Variants in BBS12 observed in about 807,000 individuals in gnomAD.
The protein encoded by BBS12 is chaperonin-containing T-complex member BBS12.
Under a neutral mutation model 5.6 loss-of-function variants are expected in BBS12, and 5 were observed. The observed-to-expected ratio is 0.89, with a 90% CI of 0.46 to 1.86. The LOEUF (loss-of-function observed/expected upper bound fraction) is 1.86, where lower values mean the gene tolerates loss of function less well. Ranked by LOEUF, BBS12 falls within the 40% of genes most tolerant of loss-of-function variation. The probability of loss-of-function intolerance (pLI) is 0.01; values close to 1 mark genes in which losing one functional copy is unlikely to be tolerated. For missense variants in BBS12, 748 were observed against 830.4 expected (o/e 0.90, Z 1.22); for synonymous variants, 308 against 306.8 (o/e 1.00, Z -0.04).
At chr4:122,711,106 C>A in the BBS12 span, among the ~76,000 whole-genome samples, 1 of 152,168 alleles carries the variant, frequency 6.6e-6, no homozygotes, top group Admixed American at 6.5e-5. Flanking sequence ...ACATACGAAA[C>A]CATCTCTTTC....
upstream of BBS12, chr4:122,731,977 T>G (rs1167546581): frequency 1.3e-5 from 2 of 152,258 alleles, no homozygotes; most frequent in Non-Finnish European, 2.9e-5. Context: ...AAGACTACTT[T>G]TAAAGAAAGC....
chr4:122,703,823 TA>T, the BBS12 span, among the ~76,000 whole-genome samples: 1 of 152,236 alleles, frequency 6.6e-6, no homozygotes, highest in African/African-American at 2.4e-5. Flanking sequence ...TTTAATTAAT[TA>T]ATTTATTTAT....
the BBS12 span, among the ~76,000 whole-genome samples, chr4:122,707,710 G>A: frequency 6.6e-6 from 1 of 152,176 alleles, no homozygotes; most frequent in Non-Finnish European, 1.5e-5. Flanking sequence ...TCTTCTTAGA[G>A]GTAGGTAGAG....
At chr4:122,710,214 A>C in the BBS12 span, among the ~76,000 whole-genome samples, 1 of 152,166 alleles carries the variant, frequency 6.6e-6, no homozygotes, top group African/African-American at 2.4e-5. Context: ...TTGATTTTTC[A>C]TGCCAAAGGC....
At chr4:122,733,344 A>T (rs543734741) in intron 1 of BBS12, among the ~76,000 whole-genome samples, 2 of 150,022 alleles carry the variant, frequency 1.3e-5, no homozygotes, top group Admixed American at 1.3e-4. Flanking sequence ...GGCCCCACCC[A>T]TAATTACTAT....
At chr4:122,741,849 T>G (rs1002643628) in intron 1 of BBS12, 34 bp from the exon 2 acceptor site, 1 of 1,545,358 alleles carries the variant, frequency 6.5e-7, no homozygotes, top group African/African-American at 1.4e-5. Context: ...TGAATTATAC[T>G]GAATAAAGTT....
chr4:122,725,576 A>C, the BBS12 span, among the ~76,000 whole-genome samples: 1 of 152,268 alleles, frequency 6.6e-6, no homozygotes, highest in East Asian at 1.9e-4. Flanking sequence ...AGAGAATGAA[A>C]CTAGATCCTC....
chr4:122,735,601 A>C (rs1045237655), intron 1 of BBS12, among the ~76,000 whole-genome samples: 2 of 152,216 alleles, frequency 1.3e-5, no homozygotes. Flanking sequence ...TGTTGGAGAA[A>C]TACTAAAAGT....
chr4:122,719,531 C>T, the BBS12 span, among the ~76,000 whole-genome samples: 3 of 152,056 alleles, frequency 2.0e-5, no homozygotes, highest in South Asian at 2.1e-4. Context: ...CTGAAGTCAG[C>T]GAGACCATGA....
rs758217005 is a variant in BBS12 at position 122,743,129 on chromosome 4, C to G, written c.1237C>G (p.Leu413Val). 6.4e-5 allele frequency: 104 copies of G among 1,614,102 alleles called. No homozygotes were observed. The highest frequency in any genetic ancestry group is 8.6e-5 in the Non-Finnish European group (101 of 1,180,056). The change falls in exon 2 of 2, where the codon CTG becomes GTG. Residue 413 changes from leucine to valine, a missense_variant. Coordinates refer to ENST00000314218, the MANE Select transcript of BBS12 (RefSeq NM_152618.3). ...VLIQFKVNLV[L>V]VQGNVSERLI... Reference sequence around the variant, plus strand: ...AATCCAGTTCAAGGTGAACCTTGTCCTGGTACAAGGAAATGTGTCCGAACG... The same window carrying G: ...AATCCAGTTCAAGGTGAACCTTGTCGTGGTACAAGGAAATGTGTCCGAACG...
At chr4:122,720,704 A>C in the BBS12 span, among the ~76,000 whole-genome samples, 11 of 152,290 alleles carry the variant, frequency 7.2e-5, no homozygotes, top group Admixed American at 6.5e-4. Flanking sequence ...GATGATTCGG[A>C]AACAACATTT....
upstream of BBS12, among the ~76,000 whole-genome samples, chr4:122,728,374 T>G (rs1349339160): frequency 6.6e-6 from 1 of 152,212 alleles, no homozygotes. Context: ...TCTCAAGTTA[T>G]GTAACTATTT....
At position 122,743,176 on chromosome 4, in the gene BBS12, CAGTA is replaced by C. The variant is rs766741204; in HGVS notation, c.1287_1290del (p.Lys430GlyfsTer3). 4 of 1,614,070 alleles carry C rather than the reference CAGTA, an allele frequency of 2.5e-6. No individual in the cohort carries two copies. In the African/African-American group the frequency reaches 4.0e-5, roughly 16 times the overall value. ...AACGCTTAATTGAAAAATGTATAAA[CAGTA>C]AGCGGTTGGTAATCGGCTCAGTGAA... On this transcript the variant is annotated frameshift_variant, in exon 2 of 2. Coordinates refer to ENST00000314218, the MANE Select transcript of BBS12 (RefSeq NM_152618.3). LOFTEE classifies it low-confidence loss of function (END_TRUNC).
At chr4:122,712,150 T>C in the BBS12 span, among the ~76,000 whole-genome samples, 1 of 152,342 alleles carries the variant, frequency 6.6e-6, no homozygotes, top group South Asian at 2.1e-4. Flanking sequence ...ACTTCAGACT[T>C]GGACTGAGCC....
chr4:122,709,582 G>A, the BBS12 span, among the ~76,000 whole-genome samples: 1 of 152,146 alleles, frequency 6.6e-6, no homozygotes, highest in Non-Finnish European at 1.5e-5. Context: ...AATAAAAAGT[G>A]TCTCAATTTA....
chr4:122,708,897 A>T, the BBS12 span, among the ~76,000 whole-genome samples: 12 of 152,188 alleles, frequency 7.9e-5, no homozygotes, highest in Non-Finnish European at 1.8e-4. Context: ...ATATTGAACT[A>T]AGGCTCATTG....
intron 1 of BBS12, among the ~76,000 whole-genome samples, chr4:122,739,967 G>A (rs1800841398): frequency 6.6e-6 from 1 of 152,146 alleles, no homozygotes; most frequent in Non-Finnish European, 1.5e-5. Context: ...AAATATCTTT[G>A]TAAGCAAACA....
chr4:122,744,236 T>G lies in BBS12; in HGVS notation c.*211T>G, dbSNP rs1278497668. The G allele has an allele frequency of 1.8e-6, 1 of 556,542 alleles. No individual in the cohort carries two copies. Among genetic ancestry groups the G allele is most frequent in the Non-Finnish European group, 3.2e-6 (1 of 308,910 alleles). The allele number at this position is 556,542 out of a possible 1,614,324, so 34.5% of individuals were successfully genotyped here. A position where few individuals can be genotyped will look rare whatever the true frequency, so the allele number is the denominator to read the frequency against. ...TACTGTTTCGTGGGATGCTACAGAA[T>G]GCATAAGACACCTGGGTCAGAAACA... On this transcript the variant is annotated 3_prime_UTR_variant, in exon 2 of 2. Transcript: ENST00000314218.
intron 1 of BBS12, among the ~76,000 whole-genome samples, chr4:122,740,370 A>G (rs1234685297): frequency 6.6e-6 from 1 of 152,250 alleles, no homozygotes; most frequent in Non-Finnish European, 1.5e-5. Context: ...GACGAAAGCT[A>G]TGTCAAGCAT....
Sources: gnomAD v4.1 joint callset for allele counts (sites outside exome capture counted in the v4.1 genomes callset) on GRCh38, gnomAD v4.1.1 for gene constraint, MANE v1.5 for transcripts, NCBI Gene and HGNC (gene_info 2026-07-23, HGNC 2026-07-21) for gene names.